The following MANBA variants were observed in gnomAD, a reference collection of about 807,000 sequenced individuals.
MANBA encodes the protein beta-mannosidase.
Under a neutral mutation model 111.1 loss-of-function variants are expected in MANBA, and 83 were observed. The ratio of observed to expected loss-of-function variants is 0.75; its 90% CI spans 0.63 to 0.90. MANBA has a LOEUF of 0.90. Among genes scored for constraint, MANBA ranks in the 40% least tolerant of loss-of-function variants. The probability of loss-of-function intolerance (pLI) is 0.00; values close to 1 mark genes in which losing one functional copy is unlikely to be tolerated. For missense variants in MANBA, 1,036 were observed against 1,069.0 expected, an observed-to-expected ratio of 0.97 and a Z score of 0.43; for synonymous variants, 370 against 378.7, an observed-to-expected ratio of 0.98 and a Z score of 0.27.
At chr4:102,644,920 T>TA (rs1484966854) in intron 13 of MANBA, among the ~76,000 whole-genome samples, 1 of 151,924 alleles carries the variant, frequency 6.6e-6, no homozygotes, top group East Asian at 1.9e-4. Flanking sequence ...TTAATTTTTT[T>TA]AAAAAAAGAA....
In MANBA at chr4:102,632,049, A is replaced by C. The variant is rs199881261; in HGVS notation, c.*8T>G. 8.7e-4 allele frequency: 1,365 copies of C among 1,573,682 alleles called. 2 individuals are homozygous for C. The highest frequency in any genetic ancestry group is 1.0e-3 in the Non-Finnish European group (1,192 of 1,144,836). On this transcript the variant is annotated 3_prime_UTR_variant, in exon 17 of 17. Coordinates refer to ENST00000647097, the MANE Select transcript of MANBA (RefSeq NM_005908.4). ...CCATTGTCCACTGAAAATACAACCT[A>C]GATTCCTTCAGTAAATATCTGTTAA...
intron 11 of MANBA, among the ~76,000 whole-genome samples, chr4:102,660,786 A>G (rs1730906349): frequency 6.7e-6 from 1 of 148,546 alleles, no homozygotes; most frequent in South Asian, 2.1e-4. Flanking sequence ...TAATAATATT[A>G]ATATAATAAT....
At chr4:102,726,794 A>G (rs1010982044) in intron 1 of MANBA, 111 bp from the exon 2 acceptor site, 7 of 688,658 alleles carry the variant, frequency 1.0e-5, no homozygotes, top group Non-Finnish European at 1.8e-5. Flanking sequence ...CTAAAAATTA[A>G]CGAACTTTTA....
intron 7 of MANBA, among the ~76,000 whole-genome samples, chr4:102,680,098 G>A (rs1731895982): frequency 6.6e-6 from 1 of 152,108 alleles, no homozygotes. Context: ...TCTGAGCAAT[G>A]GAAAACCAGC....
At chr4:102,735,309 A>C (rs1015751296) in intron 1 of MANBA, among the ~76,000 whole-genome samples, 2 of 152,020 alleles carry the variant, frequency 1.3e-5, no homozygotes, top group African/African-American at 4.8e-5. Context: ...TCAATTTCAG[A>C]CCAACCTCTT....
intron 1 of MANBA, among the ~76,000 whole-genome samples, chr4:102,748,430 C>CTA (rs533338728): frequency 0.017 from 2,500 of 150,848 alleles, 28 homozygotes; most frequent in Non-Finnish European, 0.024. Flanking sequence ...CAATATAAAA[C>CTA]TATATATATA....
intron 1 of MANBA, among the ~76,000 whole-genome samples, chr4:102,738,000 C>G (rs577993129): frequency 1.4e-4 from 22 of 152,282 alleles, no homozygotes; most frequent in Admixed American, 3.9e-4. Flanking sequence ...GACATAAACC[C>G]TTGGGACCTC....
At chr4:102,676,519 A>G (rs1276349390) in intron 7 of MANBA, among the ~76,000 whole-genome samples, 3 of 152,022 alleles carry the variant, frequency 2.0e-5, no homozygotes, top group African/African-American at 4.8e-5. Flanking sequence ...GCCACTTTGC[A>G]ATGACAGAGT....
At chr4:102,639,610 T>C in intron 14 of MANBA, 103 bp downstream of exon 14, 1 of 1,481,230 alleles carries the variant, frequency 6.8e-7, no homozygotes, top group Non-Finnish European at 9.4e-7. Flanking sequence ...TTGGTCATAG[T>C]TCTGCCTGGG....
rs1348765713 is a variant in MANBA at position 102,722,894 on chromosome 4, A to T, written c.526T>A (p.Cys176Ser). The change falls in exon 4 of 17, where the codon TGC becomes AGC. Residue 176 changes from cysteine (C) to serine (S), a missense_variant. Transcript: ENST00000647097. ...DCPPLVQKGE[C>S]HVNFVRKEQC... ...ACCTTCCGAACAAAGTTGACATGGC[A>T]TTCACCCTTCTGCACAAGTGGAGGG... The T allele has an allele frequency of 6.2e-7, 1 of 1,614,172 alleles. No homozygotes were observed. The highest frequency in any genetic ancestry group is 1.3e-5 in the African/African-American group (1 of 75,036).
chr4:102,688,173 T>C lies in MANBA; in HGVS notation c.960+1401A>G, dbSNP rs191086454. On this transcript the variant is annotated intron_variant, in intron 7 of 16. Transcript: ENST00000647097. ...TGAAAACAACACACAACAAACTCAC[T>C]GTGTGAGACAGCACACATCCTCTCA... Among the ~76,000 whole-genome samples the C allele has an allele frequency of 2.1e-3, 322 of 152,262 alleles. 1 individual carries two copies. Among genetic ancestry groups the C allele is most frequent in the African/African-American group, 7.4e-3 (309 of 41,548 alleles).
intron 1 of MANBA, among the ~76,000 whole-genome samples, chr4:102,755,523 A>G (rs1419327394): frequency 1.3e-5 from 2 of 152,234 alleles, no homozygotes; most frequent in African/African-American, 4.8e-5. Context: ...AAACCCTAGA[A>G]GAAAACCTAG....
At chr4:102,680,007 C>G (rs1235189223) in intron 7 of MANBA, among the ~76,000 whole-genome samples, 1 of 151,910 alleles carries the variant, frequency 6.6e-6, no homozygotes, top group Admixed American at 6.6e-5. Flanking sequence ...AACACAGATA[C>G]TATTTGATTA....
In MANBA at chr4:102,646,685, G is replaced by A. The variant is rs575596823; in HGVS notation, c.1869+3852C>T. 2.0e-5 allele frequency among the ~76,000 whole-genome samples: 3 copies of A among 152,238 alleles called. No homozygotes were observed. The South Asian group carries it at 6.2e-4, about 32-fold the overall frequency. On this transcript the variant is annotated intron_variant, in intron 13 of 16. Coordinates refer to ENST00000647097, the MANE Select transcript of MANBA (RefSeq NM_005908.4). ...TTAGATATGTTCATTTAGATAGTTG[G>A]TCCTCAAACTAGAGAGTGAGATCTG...
chr4:102,710,608 A>T (rs1437742338), intron 5 of MANBA, among the ~76,000 whole-genome samples: 1 of 152,160 alleles, frequency 6.6e-6, no homozygotes, highest in Non-Finnish European at 1.5e-5. Flanking sequence ...CTACAGAGTC[A>T]ATGCAATCAC....
In MANBA at chr4:102,722,932, A is replaced by G. The variant is rs1183677716; in HGVS notation, c.488T>C (p.Val163Ala). The change falls in exon 4 of 17, where the codon GTT becomes GCT. Residue 163 changes from valine to alanine, a missense_variant. Coordinates refer to ENST00000647097, the MANE Select transcript of MANBA (RefSeq NM_005908.4). Reference sequence around the variant, plus strand: ...CACAAGTGGAGGGCAGTCTGGGGGAACCTGGTAGCGAGTGTGAGCTTTGCT... The same window carrying G: ...CACAAGTGGAGGGCAGTCTGGGGGAGCCTGGTAGCGAGTGTGAGCTTTGCT... ...QQSKAHTRYQ[V>A]PPDCPPLVQK... is the part of the protein sequence containing the mutation. 1.9e-6 allele frequency: 3 copies of G among 1,614,160 alleles called. No individual in the cohort carries two copies. Among genetic ancestry groups the G allele is most frequent in the Admixed American group, 1.7e-5 (1 of 60,020 alleles).
chr4:102,729,558 C>A, intron 1 of MANBA: 1 of 869,410 alleles, frequency 1.2e-6, no homozygotes, highest in Non-Finnish European at 2.0e-6. Context: ...CTACCTTGTT[C>A]ATGTAACCTT....
At chr4:102,660,372 C>T (rs1019152094) in intron 11 of MANBA, among the ~76,000 whole-genome samples, 18 of 152,088 alleles carry the variant, frequency 1.2e-4, no homozygotes, top group African/African-American at 3.6e-4. Flanking sequence ...ATAAATATAT[C>T]ACCTACACTC....
intron 5 of MANBA, among the ~76,000 whole-genome samples, chr4:102,713,084 C>A (rs79529143): frequency 0.012 from 1,771 of 152,282 alleles, 45 homozygotes; most frequent in African/African-American, 0.04. Flanking sequence ...AAATAACCTC[C>A]TCAAATCTAA....
Sources: allele counts gnomAD v4.1 joint callset (sites outside exome capture counted in the v4.1 genomes callset), GRCh38; gene constraint gnomAD v4.1.1; transcripts MANE v1.5; gene names NCBI Gene and HGNC (gene_info 2026-07-23, HGNC 2026-07-21).